Variants in FANCL observed in about 807,000 individuals in gnomAD.
FANCL encodes the protein E3 ubiquitin-protein ligase FANCL.
FANCL carries 69 observed loss-of-function variants against 59.4 expected under a neutral mutation model. That is an observed-to-expected ratio of 1.16 (90% CI 0.96 to 1.42). The LOEUF is 1.42. FANCL is among the 40% of genes most tolerant of loss of function. The pLI is 0.00. For missense variants in FANCL, 519 were observed against 447.2 expected (o/e 1.16, Z -1.45); for synonymous variants, 180 against 147.1 (o/e 1.22, Z -1.62).
intron 7 of FANCL, among the ~76,000 whole-genome samples, chr2:58,181,487 G>C (rs1437476386): frequency 6.6e-6 from 1 of 151,984 alleles, no homozygotes; most frequent in Non-Finnish European, 1.5e-5. Flanking sequence ...GAACACTTAA[G>C]ATTTATGCAC....
chr2:58,234,159 C>A (rs1413875226), intron 1 of FANCL, among the ~76,000 whole-genome samples: 1 of 151,938 alleles, frequency 6.6e-6, no homozygotes, highest in Non-Finnish European at 1.5e-5. Flanking sequence ...AAGAGACTCA[C>A]AAGATTTCAG....
chr2:58,241,090 C>G, intron 1 of FANCL, 128 bp downstream of exon 1: 1 of 937,886 alleles, frequency 1.1e-6, no homozygotes, highest in Non-Finnish European at 1.7e-6. Context: ...CTCCCAAGAG[C>G]CGTTACGCGC....
At chr2:58,203,928 T>C (rs147775451) in intron 6 of FANCL, among the ~76,000 whole-genome samples, 113 of 152,166 alleles carry the variant, frequency 7.4e-4, no homozygotes, top group African/African-American at 2.6e-3. Context: ...TTGAGCAAAT[T>C]TGGACTAAAA....
intron 5 of FANCL, among the ~76,000 whole-genome samples, chr2:58,206,486 C>T (rs1246504773): frequency 7.0e-6 from 1 of 143,474 alleles, no homozygotes; most frequent in Non-Finnish European, 1.6e-5. Flanking sequence ...AAGGCATGCA[C>T]GTTTAAGAGG....
intron 5 of FANCL, among the ~76,000 whole-genome samples, chr2:58,212,360 C>A (rs1490449494): frequency 6.6e-6 from 1 of 152,152 alleles, no homozygotes. Flanking sequence ...TCCACCGGGT[C>A]CCTCCTGCAA....
At chr2:58,181,681 G>C (rs1216294312) in intron 7 of FANCL, among the ~76,000 whole-genome samples, 1 of 151,924 alleles carries the variant, frequency 6.6e-6, no homozygotes, top group Non-Finnish European at 1.5e-5. Flanking sequence ...ATATAGGAAA[G>C]ATTAACTATC....
intron 2 of FANCL, among the ~76,000 whole-genome samples, chr2:58,231,633 T>C (rs182487795): frequency 7.9e-5 from 12 of 152,288 alleles, no homozygotes; most frequent in Admixed American, 2.6e-4. Context: ...ACTAGTTGTA[T>C]CTACCAGCAC....
intron 3 of FANCL, among the ~76,000 whole-genome samples, chr2:58,227,977 G>A (rs1220370002): frequency 1.3e-5 from 2 of 152,190 alleles, no homozygotes; most frequent in African/African-American, 2.4e-5. Context: ...TGAGTGGGAA[G>A]AGGAGTATAA....
At chr2:58,165,256 T>C (rs1299842836) in intron 8 of FANCL, among the ~76,000 whole-genome samples, 1 of 152,194 alleles carries the variant, frequency 6.6e-6, no homozygotes, top group Non-Finnish European at 1.5e-5. Context: ...ATAAATTCTT[T>C]CTCTGTGCTT....
chr2:58,165,888 G>T lies in FANCL; in HGVS notation c.541-14C>A, dbSNP rs765321485. On this transcript the variant is annotated splice_polypyrimidine_tract_variant and intron_variant, in intron 7 of 13. Coordinates refer to ENST00000233741, the MANE Select transcript of FANCL (RefSeq NM_018062.4). ...TATTAAGGAGCTCTGTGAAAAAAAT[G>T]AAAGTTGAATAAGTTATATGGTACT... The T allele has an allele frequency of 1.2e-5, 20 of 1,612,850 alleles. No homozygotes were observed. Among genetic ancestry groups the T allele is most frequent in the Non-Finnish European group, 1.5e-5 (18 of 1,179,108 alleles).
intron 7 of FANCL, among the ~76,000 whole-genome samples, chr2:58,174,311 C>A (rs1558753715): frequency 6.6e-6 from 1 of 152,152 alleles, no homozygotes; most frequent in Non-Finnish European, 1.5e-5. Context: ...ACAGAACTTT[C>A]CACCCCAAAT....
intron 10 of FANCL, 26 bp from the exon 11 acceptor site, chr2:58,162,973 G>A (rs1685427257): frequency 6.2e-7 from 1 of 1,611,446 alleles, no homozygotes; most frequent in South Asian, 1.1e-5. Context: ...AAAAAATTAT[G>A]CTGTGAACTT....
chr2:58,234,285 T>C (rs575963592), intron 1 of FANCL, among the ~76,000 whole-genome samples: 10 of 151,964 alleles, frequency 6.6e-5, no homozygotes, highest in Non-Finnish European at 1.5e-4. Context: ...AAATGAGAAA[T>C]TGTATTTTAA....
intron 5 of FANCL, among the ~76,000 whole-genome samples, chr2:58,209,434 A>T (rs1690915816): frequency 6.6e-6 from 1 of 152,162 alleles, no homozygotes. Flanking sequence ...GGATTTATGT[A>T]TGAAGAAAAA....
chr2:58,194,690 A>T (rs1169569879), intron 7 of FANCL, among the ~76,000 whole-genome samples: 1 of 151,948 alleles, frequency 6.6e-6, no homozygotes, highest in Non-Finnish European at 1.5e-5. Flanking sequence ...GCTGTGAGAC[A>T]CCTGCACTGG....
At chr2:58,239,815 T>C (rs1694348375) in intron 1 of FANCL, among the ~76,000 whole-genome samples, 1 of 152,134 alleles carries the variant, frequency 6.6e-6, no homozygotes, top group African/African-American at 2.4e-5. Flanking sequence ...ATGGAGAAAA[T>C]GTAAACTGGT....
chr2:58,159,342 T>C lies in FANCL; in HGVS notation c.*423A>G, dbSNP rs1237458191. On this transcript the variant is annotated 3_prime_UTR_variant, in exon 14 of 14. Transcript: ENST00000233741. Reference sequence around the variant, plus strand: ...CAAACTAAACTATATATGTATTTTTTCCATAGGAAAGCACAAGGAGAAGAC... The same window carrying C: ...CAAACTAAACTATATATGTATTTTTCCCATAGGAAAGCACAAGGAGAAGAC... The C allele has an allele frequency of 4.4e-6, 7 of 1,585,814 alleles. No homozygotes were observed. Among genetic ancestry groups the C allele is most frequent in the Non-Finnish European group, 6.0e-6 (7 of 1,169,550 alleles).
At chr2:58,205,607 T>G (rs1397869923) in intron 5 of FANCL, among the ~76,000 whole-genome samples, 2 of 152,042 alleles carry the variant, frequency 1.3e-5, no homozygotes, top group African/African-American at 4.8e-5. Flanking sequence ...AAAAAATGTT[T>G]CAAAGGTATA....
chr2:58,171,226 A>C (rs1029070365), intron 7 of FANCL, among the ~76,000 whole-genome samples: 1 of 152,236 alleles, frequency 6.6e-6, no homozygotes, highest in Admixed American at 6.5e-5. Context: ...ACTCACTCAA[A>C]ACTGCACAAC....
Sources: gnomAD v4.1 joint callset for allele counts (sites outside exome capture counted in the v4.1 genomes callset) on GRCh38, gnomAD v4.1.1 for gene constraint, MANE v1.5 for transcripts, NCBI Gene and HGNC (gene_info 2026-07-23, HGNC 2026-07-21) for gene names.